KCTD16: variants seen among roughly 807,000 people sequenced by gnomAD.
KCTD16 encodes the protein BTB/POZ domain-containing protein KCTD16.
KCTD16 carries 13 observed loss-of-function variants against 33.2 expected under a neutral mutation model. That is an observed-to-expected ratio of 0.39 (90% CI 0.25 to 0.62). The LOEUF (loss-of-function observed/expected upper bound fraction) is 0.62, where lower values mean the gene tolerates loss of function less well. KCTD16 is among the 20% of genes least tolerant of loss of function. The pLI, the probability that KCTD16 is intolerant of heterozygous loss-of-function variation, is 0.50. For missense variants in KCTD16, 441 were observed against 525.1 expected, an observed-to-expected ratio of 0.84 and a Z score of 1.57; for synonymous variants, 197 against 195.3, an observed-to-expected ratio of 1.01 and a Z score of -0.07.
intron 3 of KCTD16, among the ~76,000 whole-genome samples, chr5:144,245,420 A>G (rs529380844): frequency 6.6e-6 from 1 of 152,360 alleles, no homozygotes; most frequent in African/African-American, 2.4e-5. Flanking sequence ...AACAAGACAC[A>G]TGGAGGAAAT....
intron 2 of KCTD16, among the ~76,000 whole-genome samples, chr5:144,187,534 C>G (rs1752755064): frequency 2.6e-5 from 4 of 152,156 alleles, no homozygotes; most frequent in Admixed American, 2.6e-4. Context: ...TGGGTTCCCC[C>G]TTTTCCTCAG....
rs575914229 is a variant in KCTD16 at position 144,173,705 on chromosome 5, G to C, written c.-492-602G>C. On this transcript the variant is annotated intron_variant, in intron 1 of 3. Coordinates refer to ENST00000512467, the MANE Select transcript of KCTD16 (RefSeq NM_020768.4). ...ACTTCTGTCTCTGAAAGCAATTAAC[G>C]TATTTATTTAAATTTTCCCCTTTGA... Among the ~76,000 whole-genome samples, 4 of 152,186 alleles carry C rather than the reference G, an allele frequency of 2.6e-5. No homozygotes were observed. In the South Asian group the frequency reaches 8.3e-4, roughly 32 times the overall value.
intron 3 of KCTD16, among the ~76,000 whole-genome samples, chr5:144,210,375 A>G (rs935069398): frequency 2.6e-5 from 4 of 152,192 alleles, no homozygotes; most frequent in African/African-American, 9.6e-5. Context: ...GCTATGGATT[A>G]TGATTCACTT....
At chr5:144,335,330 A>C (rs565685105) in intron 3 of KCTD16, among the ~76,000 whole-genome samples, 1 of 152,350 alleles carries the variant, frequency 6.6e-6, no homozygotes, top group South Asian at 2.1e-4. Flanking sequence ...TGTGACCCAC[A>C]CCCAAAGAAA....
At chr5:144,417,633 TTTTG>T (rs1421727330) in intron 3 of KCTD16, among the ~76,000 whole-genome samples, 5 of 152,084 alleles carry the variant, frequency 3.3e-5, no homozygotes, top group South Asian at 2.1e-4. Context: ...TTTATTTTTA[TTTTG>T]TTTTTGTTTT....
intron 3 of KCTD16, among the ~76,000 whole-genome samples, chr5:144,362,363 G>A (rs1052241785): frequency 3.3e-5 from 5 of 152,108 alleles, no homozygotes; most frequent in Non-Finnish European, 5.9e-5. Context: ...ATTCAGTAAC[G>A]AATTCCTCTG....
intron 3 of KCTD16, among the ~76,000 whole-genome samples, chr5:144,356,906 G>T (rs1278666363): frequency 1.3e-5 from 2 of 151,324 alleles, no homozygotes; most frequent in Non-Finnish European, 1.5e-5. Flanking sequence ...TTATTAATAA[G>T]GCACACAGTC....
At chr5:144,334,676 A>G (rs1752437669) in intron 3 of KCTD16, among the ~76,000 whole-genome samples, 1 of 152,232 alleles carries the variant, frequency 6.6e-6, no homozygotes, top group African/African-American at 2.4e-5. Flanking sequence ...ACTGAGTTTT[A>G]GAAAGGTCAG....
chr5:144,335,433 T>C (rs1389377008), intron 3 of KCTD16, among the ~76,000 whole-genome samples: 2 of 152,182 alleles, frequency 1.3e-5, no homozygotes, highest in East Asian at 1.9e-4. Flanking sequence ...TGGCTTCTAA[T>C]TGTTTGTTCA....
chr5:144,316,236 C>T (rs896694345), intron 3 of KCTD16, among the ~76,000 whole-genome samples: 1 of 152,078 alleles, frequency 6.6e-6, no homozygotes, highest in African/African-American at 2.4e-5. Flanking sequence ...AGGCTCTAAG[C>T]ATTCAGCACT....
chr5:144,423,541 G>T (rs1017474782), intron 3 of KCTD16, among the ~76,000 whole-genome samples: 2 of 152,088 alleles, frequency 1.3e-5, no homozygotes, highest in African/African-American at 2.4e-5. Flanking sequence ...CTGGGAAGGG[G>T]TTGCTACTGC....
At chr5:144,356,388 A>G (rs1031332059) in intron 3 of KCTD16, among the ~76,000 whole-genome samples, 3 of 152,182 alleles carry the variant, frequency 2.0e-5, no homozygotes, top group Non-Finnish European at 2.9e-5. Context: ...TCTCCTTTGT[A>G]TATTTGCAAT....
At chr5:144,453,760 A>C (rs1344520956) in intron 3 of KCTD16, among the ~76,000 whole-genome samples, 1 of 152,138 alleles carries the variant, frequency 6.6e-6, no homozygotes, top group East Asian at 1.9e-4. Context: ...TTTTTTTGAC[A>C]TAGAAGAGGG....
At chr5:144,184,855 G>T (rs1321607603) in intron 2 of KCTD16, among the ~76,000 whole-genome samples, 1 of 152,024 alleles carries the variant, frequency 6.6e-6, no homozygotes, top group Non-Finnish European at 1.5e-5. Flanking sequence ...CTACAAAGAG[G>T]TGCATTTAAT....
intron 3 of KCTD16, among the ~76,000 whole-genome samples, chr5:144,289,108 A>G (rs1386792154): frequency 2.6e-5 from 4 of 152,232 alleles, no homozygotes; most frequent in African/African-American, 9.6e-5. Context: ...AAGGCATTTC[A>G]TTGGTGTTTT....
rs145249225 is a variant in KCTD16 at position 144,279,449 on chromosome 5, C to A, written c.832+71903C>A. Among the ~76,000 whole-genome samples, 725 of 152,248 alleles carry A rather than the reference C, an allele frequency of 4.8e-3. 11 individuals carry two copies. Among genetic ancestry groups the A allele is most frequent in the African/African-American group, 0.016 (663 of 41,542 alleles). Reference sequence around the variant, plus strand: ...GTAGCTGCATGTTTTTATAGAGATCCTTAACCAGGTTAAGAAAGATGTTTT... The same window carrying A: ...GTAGCTGCATGTTTTTATAGAGATCATTAACCAGGTTAAGAAAGATGTTTT... On this transcript the variant is annotated intron_variant, in intron 3 of 3. Transcript: ENST00000512467.
chr5:144,290,917 A>G lies in KCTD16; in HGVS notation c.832+83371A>G, dbSNP rs1755879557. On this transcript the variant is annotated intron_variant, in intron 3 of 3. Transcript: ENST00000512467. ...CAGAATTATAAGGATTTTAAAGATA[A>G]TTTATTAACTTATTTATAACCTTCT... Among the ~76,000 whole-genome samples, 8 of 152,384 alleles carry G rather than the reference A, an allele frequency of 5.2e-5. No individual in the cohort carries two copies. The South Asian group carries it at 1.7e-3, about 32-fold the overall frequency.
intron 2 of KCTD16, among the ~76,000 whole-genome samples, chr5:144,193,309 A>G (rs1752878616): frequency 6.6e-6 from 1 of 152,146 alleles, no homozygotes; most frequent in Non-Finnish European, 1.5e-5. Context: ...TACTTCTCAG[A>G]CCTGCACTCT....
intron 3 of KCTD16, among the ~76,000 whole-genome samples, chr5:144,352,394 A>C (rs1006395938): frequency 5.3e-5 from 8 of 152,200 alleles, no homozygotes; most frequent in Non-Finnish European, 7.3e-5. Context: ...GAGAATGATA[A>C]CTGAATGAAT....
Sources: allele counts gnomAD v4.1 joint callset (sites outside exome capture counted in the v4.1 genomes callset), GRCh38; gene constraint gnomAD v4.1.1; transcripts MANE v1.5; gene names NCBI Gene and HGNC (gene_info 2026-07-23, HGNC 2026-07-21).